The following GNG4 variants were observed in gnomAD, a reference collection of about 807,000 sequenced individuals.
The protein encoded by GNG4 is G protein subunit gamma 4.
Under a neutral mutation model 5.8 loss-of-function variants are expected in GNG4, and 4 were observed. The ratio of observed to expected loss-of-function variants is 0.69; its 90% confidence interval spans 0.34 to 1.57. GNG4 has a LOEUF of 1.57. Ranked by LOEUF, GNG4 falls within the 40% of genes most tolerant of loss-of-function variation. The pLI, the probability that GNG4 is intolerant of heterozygous loss-of-function variation, is 0.06. For missense variants in GNG4, 96 were observed against 95.1 expected (o/e 1.01, Z -0.04); for synonymous variants, 29 against 32.9 (o/e 0.88, Z 0.41).
At chr1:235,578,936 A>C (rs1053779022) in intron 3 of GNG4, among the ~76,000 whole-genome samples, 1 of 152,070 alleles carries the variant, frequency 6.6e-6, no homozygotes, top group Non-Finnish European at 1.5e-5. Context: ...GTCTCTACTA[A>C]TAATACAAAA....
chr1:235,593,377 G>C (rs918183620), intron 2 of GNG4, among the ~76,000 whole-genome samples: 3 of 152,206 alleles, frequency 2.0e-5, no homozygotes, highest in Admixed American at 6.5e-5. Flanking sequence ...TCACGGCACA[G>C]TACTTAGAAT....
chr1:235,572,268 C>T (rs1260897113), intron 3 of GNG4, among the ~76,000 whole-genome samples: 1 of 151,882 alleles, frequency 6.6e-6, no homozygotes, highest in African/African-American at 2.4e-5. Context: ...GGCACCATCT[C>T]GGCTCACTGT....
intron 1 of GNG4, among the ~76,000 whole-genome samples, chr1:235,646,840 T>G (rs1267031703): frequency 6.6e-6 from 1 of 152,232 alleles, no homozygotes; most frequent in Non-Finnish European, 1.5e-5. Context: ...TGAACTGATC[T>G]CTTTTTAAGC....
intron 1 of GNG4, among the ~76,000 whole-genome samples, chr1:235,628,320 C>T (rs1017823380): frequency 1.3e-5 from 2 of 151,684 alleles, no homozygotes; most frequent in African/African-American, 2.4e-5. Flanking sequence ...ATGTCTTGGC[C>T]AGAAGCAGGA....
intron 1 of GNG4, among the ~76,000 whole-genome samples, chr1:235,630,971 T>G (rs1688921450): frequency 6.6e-6 from 1 of 151,916 alleles, no homozygotes; most frequent in Non-Finnish European, 1.5e-5. Context: ...CGATCTCGGC[T>G]CACTGCAAGC....
rs1319334951 is a variant in GNG4 at position 235,597,619 on chromosome 1, TGTGTGTGTGTA to T, written c.-122-2119_-122-2109del. Among the ~76,000 whole-genome samples, 201 of 111,924 alleles carry T rather than the reference TGTGTGTGTGTA, an allele frequency of 1.8e-3. 4 individuals are homozygous for T. The highest frequency in any genetic ancestry group is 5.4e-3 in the African/African-American group (166 of 30,856). The allele number at this position is 111,924 out of a possible 152,430, so 73.4% of individuals were successfully genotyped here. The stretch of plus-strand genomic sequence containing the variant: ...GTGTGTGTGTGTGTGTGTGTGTGTG[TGTGTGTGTGTA>T]TTTTTTTTTTTTTCAGATGGAGTCT... On this transcript the variant is annotated intron_variant, in intron 1 of 3. Coordinates refer to ENST00000391854, the MANE Select transcript of GNG4 (RefSeq NM_001098722.2).
chr1:235,585,053 C>A (rs929867202), intron 2 of GNG4, among the ~76,000 whole-genome samples: 1 of 152,146 alleles, frequency 6.6e-6, no homozygotes, highest in African/African-American at 2.4e-5. Flanking sequence ...CTCCTATGGG[C>A]AACCAATCAC....
At chr1:235,597,391 T>TC (rs749108708) in intron 1 of GNG4, among the ~76,000 whole-genome samples, 6 of 74,942 alleles carry the variant, frequency 8.0e-5, no homozygotes, top group Non-Finnish European at 1.6e-4. Flanking sequence ...AATGTTTATG[T>TC]CCCCCCTACC....
In GNG4 at chr1:235,642,831, A is replaced by G. The variant is rs1249810965; in HGVS notation, c.-123+6831T>C. ...CCTGGGTCCAGCCAGACCTCTGCTC[A>G]GCTCTGCACGTACATGCCCCCTCGA... On this transcript the variant is annotated intron_variant, in intron 1 of 3. Coordinates refer to ENST00000391854, the MANE Select transcript of GNG4 (RefSeq NM_001098722.2). This position sits in a 1 kb window ranked among gnomAD's most constrained non-coding sequence, Gnocchi z 4.3. Among the ~76,000 whole-genome samples, 2 of 152,054 alleles carry G rather than the reference A, an allele frequency of 1.3e-5. No homozygotes were observed. The highest frequency in any genetic ancestry group is 4.8e-5 in the African/African-American group (2 of 41,396).
intron 1 of GNG4, among the ~76,000 whole-genome samples, chr1:235,606,876 C>A (rs911759081): frequency 6.6e-6 from 1 of 151,860 alleles, no homozygotes; most frequent in Non-Finnish European, 1.5e-5. Flanking sequence ...AGGAAGGAAG[C>A]CGCATGCTCA....
In GNG4 at chr1:235,603,030, G is replaced by C. The variant is rs796367307; in HGVS notation, c.-122-7519C>G. On this transcript the variant is annotated intron_variant, in intron 1 of 3. Transcript: ENST00000391854. ...TTGGGAGGTGGGCAAATCAGTTGAAGTCAGGAGTTCCAGATCAGCCTGGCC... is the reference window on the plus strand; with the variant it reads ...TTGGGAGGTGGGCAAATCAGTTGAACTCAGGAGTTCCAGATCAGCCTGGCC... Among the ~76,000 whole-genome samples the C allele has an allele frequency of 3.3e-5, 5 of 152,254 alleles. 1 individual carries two copies. The highest frequency in any genetic ancestry group is 1.2e-4 in the African/African-American group (5 of 41,544).
In GNG4 at chr1:235,612,884, CAG is replaced by C. The variant is rs535149953; in HGVS notation, c.-122-17375_-122-17374del. 1.5e-4 allele frequency among the ~76,000 whole-genome samples: 23 copies of C among 152,232 alleles called. No homozygotes were observed. The South Asian group carries it at 4.8e-3, about 32-fold the overall frequency. On this transcript the variant is annotated intron_variant, in intron 1 of 3. Transcript: ENST00000391854. ...TTCCCTGAGCTTAGAAATTCAGGCT[CAG>C]GGTGCCAGCATGGTCAGGTTGTGAC... is the stretch of plus-strand genomic sequence containing the variant.
intron 1 of GNG4, among the ~76,000 whole-genome samples, chr1:235,635,496 C>T (rs961212956): frequency 1.3e-5 from 2 of 151,984 alleles, no homozygotes; most frequent in African/African-American, 4.8e-5. Context: ...AACTCCATCT[C>T]GGCGGGGAAA....
At chr1:235,589,699 G>A (rs925784105) in intron 2 of GNG4, among the ~76,000 whole-genome samples, 2 of 152,138 alleles carry the variant, frequency 1.3e-5, no homozygotes, top group African/African-American at 2.4e-5. Context: ...CCTCCCCGAC[G>A]GAGGGACAAG....
In GNG4 at chr1:235,648,999, T is replaced by A. The variant is rs941142796; in HGVS notation, c.-123+663A>T. 1.3e-5 allele frequency among the ~76,000 whole-genome samples: 2 copies of A among 152,054 alleles called. No homozygotes were observed. Among genetic ancestry groups the A allele is most frequent in the East Asian group, 1.9e-4 (1 of 5,176 alleles). On this transcript the variant is annotated intron_variant, in intron 1 of 3. Coordinates refer to ENST00000391854, the MANE Select transcript of GNG4 (RefSeq NM_001098722.2). The surrounding 1 kb of genome is among the most constrained non-coding windows in gnomAD (Gnocchi z 5.0). Reference sequence around the variant, plus strand: ...GTTTCGCGTTATTTCCAAGGCAATTTAAAAAATCAAGCCAAACAAAGCTCC... The same window carrying A: ...GTTTCGCGTTATTTCCAAGGCAATTAAAAAAATCAAGCCAAACAAAGCTCC...
At chr1:235,571,115 A>G (rs1404665429) in intron 3 of GNG4, among the ~76,000 whole-genome samples, 1 of 152,014 alleles carries the variant, frequency 6.6e-6, no homozygotes, top group African/African-American at 2.4e-5. Context: ...ATATTCTACA[A>G]TACTACAATA....
At chr1:235,576,085 A>G (rs2774329) in intron 3 of GNG4, among the ~76,000 whole-genome samples, 106,683 of 144,612 alleles carry the variant, frequency 0.74, 40,666 homozygotes, top group African/African-American at 0.93. Flanking sequence ...TTTTTGAGAC[A>G]GAGTCTCACT....
chr1:235,573,505 C>T (rs1421816311), intron 3 of GNG4, among the ~76,000 whole-genome samples: 2 of 151,872 alleles, frequency 1.3e-5, no homozygotes, highest in African/African-American at 2.4e-5. Context: ...CGGCCCGGTG[C>T]GGTAGCTCAC....
At chr1:235,635,069 T>C (rs1357510006) in intron 1 of GNG4, among the ~76,000 whole-genome samples, 14 of 152,246 alleles carry the variant, frequency 9.2e-5, no homozygotes. Flanking sequence ...GCATTGTTAA[T>C]GAACCATGGA....
Sources: allele counts gnomAD v4.1 joint callset (sites outside exome capture counted in the v4.1 genomes callset), GRCh38; gene constraint gnomAD v4.1.1; non-coding constraint Gnocchi (gnomAD v3.1); transcripts MANE v1.5; gene names NCBI Gene and HGNC (gene_info 2026-07-23, HGNC 2026-07-21).